The following P2RX7 variants were observed in gnomAD, a reference collection of about 807,000 sequenced individuals.
The protein encoded by P2RX7 is purinergic receptor P2X 7, also known as P2X purinoceptor 7.
In P2RX7, 62 loss-of-function variants were observed where a neutral mutation model predicts 71.6. That is an observed-to-expected ratio of 0.87 (90% CI 0.71 to 1.07). P2RX7 has a LOEUF of 1.07. P2RX7 is among the 50% of genes least tolerant of loss of function. P2RX7 has a pLI of 0.00. For missense variants in P2RX7, 686 were observed against 748.5 expected, an observed-to-expected ratio of 0.92 and a Z score of 0.97; for synonymous variants, 299 against 283.3, an observed-to-expected ratio of 1.06 and a Z score of -0.56.
At position 121,154,334 on chromosome 12, in the gene P2RX7, A is replaced by T. The variant is rs143006479; in HGVS notation, c.126-451A>T. On this transcript the variant is annotated intron_variant, in intron 1 of 12. Transcript: ENST00000328963. The surrounding 1 kb of genome is among the most constrained non-coding windows in gnomAD (Gnocchi z 4.2). The stretch of plus-strand genomic sequence containing the variant: ...AGAGAGAGAGTAGCTGCCATTTTCA[A>T]TGTTATTGATAAAGCAGGTGGGTGT... Among the ~76,000 whole-genome samples the T allele has an allele frequency of 2.3e-3, 353 of 152,032 alleles. 2 individuals carry two copies. The highest frequency in any genetic ancestry group is 7.9e-3 in the African/African-American group (329 of 41,472).
At chr12:121,161,124 G>C in intron 4 of P2RX7, 150 bp downstream of exon 4, 1 of 710,264 alleles carries the variant, frequency 1.4e-6, no homozygotes, top group East Asian at 2.5e-5. Flanking sequence ...CCATGCTTCG[G>C]CTCTGTCCCC....
intron 1 of P2RX7, among the ~76,000 whole-genome samples, chr12:121,150,678 G>A (rs1401612444): frequency 6.6e-6 from 1 of 152,224 alleles, no homozygotes; most frequent in Non-Finnish European, 1.5e-5. Context: ...GGAGGCCAAG[G>A]CGGGTGGATC....
rs1879088116 is a variant in P2RX7 at position 121,158,838 on chromosome 12, C to G, written c.364-2064C>G. On this transcript the variant is annotated intron_variant, in intron 3 of 12. Transcript: ENST00000328963. ...AATGAAAATGTAACTTTCCATGAGCCACAATGAATGATCACACATTCATTC... is the reference window on the plus strand; with the variant it reads ...AATGAAAATGTAACTTTCCATGAGCGACAATGAATGATCACACATTCATTC... 2.0e-5 allele frequency among the ~76,000 whole-genome samples: 3 copies of G among 152,160 alleles called. No individual in the cohort carries two copies. The South Asian group carries it at 6.2e-4, about 32-fold the overall frequency.
chr12:121,177,844 A>G (rs1883423239), intron 11 of P2RX7, among the ~76,000 whole-genome samples: 1 of 151,796 alleles, frequency 6.6e-6, no homozygotes, highest in Non-Finnish European at 1.5e-5. Context: ...TCAACCTCCC[A>G]AGTAGCTGGG....
At chr12:121,153,670 T>C (rs2136038187) in intron 1 of P2RX7, among the ~76,000 whole-genome samples, 1 of 147,638 alleles carries the variant, frequency 6.8e-6, no homozygotes, top group Middle Eastern at 3.7e-3. Context: ...AGAGCAAGAC[T>C]CCATCTCAAA....
At chr12:121,137,646 G>C (rs1427083082) in intron 1 of P2RX7, among the ~76,000 whole-genome samples, 2 of 152,198 alleles carry the variant, frequency 1.3e-5, no homozygotes, top group African/African-American at 4.8e-5. Flanking sequence ...CACAGTTTGG[G>C]AAATGCTGCC....
At chr12:121,159,799 C>T (rs1337423187) in intron 3 of P2RX7, among the ~76,000 whole-genome samples, 1 of 152,196 alleles carries the variant, frequency 6.6e-6, no homozygotes, top group Non-Finnish European at 1.5e-5. Flanking sequence ...GCCAATGTCT[C>T]TCAGTTCCAT....
Position 121,136,649 on chromosome 12 carries a change from T to TTC in P2RX7, c.125+3555_125+3556insCT, listed in dbSNP as rs201842642. ...CAATTCCTTTTCTTTCTTTCTTTCT[T>TTC]TTTTTTTTTTTTTTTTGAGTTGAGT... On this transcript the variant is annotated intron_variant, in intron 1 of 12. Transcript: ENST00000328963. Among the ~76,000 whole-genome samples, 268 of 96,156 alleles carry TTC rather than the reference T, an allele frequency of 2.8e-3. 3 individuals are homozygous for TTC. In the East Asian group the frequency reaches 0.042, roughly 15 times the overall value. The allele number at this position is 96,156 out of a possible 152,430, so 63.1% of individuals were successfully genotyped here.
intron 8 of P2RX7, among the ~76,000 whole-genome samples, chr12:121,174,117 G>A (rs529995607): frequency 7.2e-6 from 1 of 138,300 alleles, no homozygotes. Context: ...ATACGATCTC[G>A]GCTCACTGTG....
intron 8 of P2RX7, among the ~76,000 whole-genome samples, chr12:121,171,930 C>T (rs11615889): frequency 0.028 from 4,178 of 147,828 alleles, 94 homozygotes; most frequent in Middle Eastern, 0.1. Flanking sequence ...GGCGTGATCT[C>T]GGCTCACTGC....
intron 4 of P2RX7, among the ~76,000 whole-genome samples, chr12:121,161,609 T>C (rs1879722933): frequency 6.6e-6 from 1 of 151,586 alleles, no homozygotes; most frequent in African/African-American, 2.4e-5. Flanking sequence ...CTGGAAAACA[T>C]GGTGAAACCC....
chr12:121,168,101 C>T (rs1404658829), intron 8 of P2RX7, among the ~76,000 whole-genome samples: 1 of 151,944 alleles, frequency 6.6e-6, no homozygotes, highest in Non-Finnish European at 1.5e-5. Context: ...TTATTTCATA[C>T]AGCTCCTATG....
intron 1 of P2RX7, among the ~76,000 whole-genome samples, chr12:121,147,568 T>C (rs1876462395): frequency 6.6e-6 from 1 of 151,662 alleles, no homozygotes; most frequent in African/African-American, 2.4e-5. Context: ...TCTATAGCTA[T>C]GGCCTACAAA....
chr12:121,136,178 C>G (rs1873606022), intron 1 of P2RX7, among the ~76,000 whole-genome samples: 1 of 147,838 alleles, frequency 6.8e-6, no homozygotes, highest in Non-Finnish European at 1.5e-5. Flanking sequence ...AGACATATCA[C>G]TTAAACCAGC....
At chr12:121,158,023 G>A (rs1367458510) in intron 3 of P2RX7, among the ~76,000 whole-genome samples, 1 of 152,084 alleles carries the variant, frequency 6.6e-6, no homozygotes, top group African/African-American at 2.4e-5. Flanking sequence ...GAGCACATGT[G>A]ACTCTTTGGG....
chr12:121,167,015 G>A (rs1881192788), intron 7 of P2RX7, among the ~76,000 whole-genome samples: 1 of 148,808 alleles, frequency 6.7e-6, no homozygotes, highest in Non-Finnish European at 1.5e-5. Context: ...TCGCACCACT[G>A]CACTCCAGCC....
chr12:121,184,003 T>C (rs901392865), intron 12 of P2RX7, among the ~76,000 whole-genome samples: 2 of 150,548 alleles, frequency 1.3e-5, no homozygotes, highest in Non-Finnish European at 3.0e-5. Context: ...AGGTGAAAGT[T>C]GCAGTGAGCC....
Position 121,154,846 on chromosome 12 carries a change from A to G in P2RX7, c.187A>G (p.Thr63Ala). 1 of 1,614,220 alleles carries G rather than the reference A, an allele frequency of 6.2e-7. No individual in the cohort carries two copies. Among genetic ancestry groups the G allele is most frequent in the Non-Finnish European group, 8.5e-7 (1 of 1,180,032 alleles). ...RKEPVISSVH[T>A]KVKGIAEVKE... ...AGAGCCTGTCATCAGTTCTGTGCAC[A>G]CCAAGGTGAAGGGGATAGCAGAGGT... Residue 63 changes from threonine (T) to alanine (A), a missense_variant, in exon 2 of 13, where the codon ACC becomes GCC. Coordinates refer to ENST00000328963, the MANE Select transcript of P2RX7 (RefSeq NM_002562.6). This position sits in a 1 kb window ranked among gnomAD's most constrained non-coding sequence, Gnocchi z 4.2.
intron 8 of P2RX7, among the ~76,000 whole-genome samples, chr12:121,172,809 A>G (rs964557628): frequency 1.3e-5 from 2 of 152,236 alleles, no homozygotes; most frequent in African/African-American, 4.8e-5. Context: ...GAGGTTTTTT[A>G]AAAACAGTTT....
Sources: allele counts gnomAD v4.1 joint callset (sites outside exome capture counted in the v4.1 genomes callset), GRCh38; gene constraint gnomAD v4.1.1; non-coding constraint Gnocchi (gnomAD v3.1); transcripts MANE v1.5; gene names NCBI Gene and HGNC (gene_info 2026-07-23, HGNC 2026-07-21).